MME: variants seen among roughly 807,000 people sequenced by gnomAD.
MME encodes membrane metalloendopeptidase, also known as neprilysin.
Under a neutral mutation model 113.2 loss-of-function variants are expected in MME, and 98 were observed. The observed-to-expected ratio is 0.87, with a 90% CI of 0.74 to 1.02. The LOEUF (loss-of-function observed/expected upper bound fraction) is 1.02. Ranked by LOEUF, MME falls within the 50% of genes least tolerant of loss-of-function variation. MME has a pLI of 0.00. For synonymous variants in MME, 292 were observed against 300.6 expected (o/e 0.97, Z 0.30); for missense variants, 836 against 896.0 (o/e 0.93, Z 0.86).
At chr3:155,038,382 C>A (rs527250225) in intron 1 of MME, among the ~76,000 whole-genome samples, 61 of 152,300 alleles carry the variant, frequency 4.0e-4, no homozygotes, top group African/African-American at 1.3e-3. Flanking sequence ...CCAACCCTGG[C>A]TCTGCTCACT....
intron 1 of MME, 84 bp from the exon 2 acceptor site, chr3:155,084,068 CCTTTTA>C: frequency 8.6e-7 from 1 of 1,164,102 alleles, no homozygotes; most frequent in Non-Finnish European, 1.3e-6. Flanking sequence ...AATAACTGAG[CCTTTTA>C]CTTTTATCCA....
chr3:155,144,482 A>G (rs769521459), intron 14 of MME, 25 bp downstream of exon 14: 52 of 1,470,958 alleles, frequency 3.5e-5, no homozygotes, highest in Middle Eastern at 1.7e-4. Flanking sequence ...GCTAACTAGC[A>G]AAGAAAAATC....
At chr3:155,061,766 A>C (rs895222696) in intron 1 of MME, among the ~76,000 whole-genome samples, 1 of 149,330 alleles carries the variant, frequency 6.7e-6, no homozygotes, top group Admixed American at 6.8e-5. Flanking sequence ...GATTCAGGCC[A>C]TTCTTGTGCC....
At chr3:155,166,881 A>G in intron 17 of MME, 21 bp from the exon 18 acceptor site, 1 of 1,613,366 alleles carries the variant, frequency 6.2e-7, no homozygotes, top group Non-Finnish European at 8.5e-7. Context: ...AATAATCTCT[A>G]ACTATCTTCT....
intron 2 of MME, among the ~76,000 whole-genome samples, chr3:155,084,676 C>T (rs1209858896): frequency 6.6e-6 from 1 of 152,016 alleles, no homozygotes; most frequent in Non-Finnish European, 1.5e-5. Context: ...TTCTAAACGG[C>T]TTCACAGGAA....
At chr3:155,152,600 G>C (rs1722010832) in intron 16 of MME, among the ~76,000 whole-genome samples, 1 of 152,068 alleles carries the variant, frequency 6.6e-6, no homozygotes, top group African/African-American at 2.4e-5. Context: ...TAGCACTTTG[G>C]GAGGTCAAGG....
chr3:155,172,661 G>A, intron 22 of MME, 49 bp downstream of exon 22: 1 of 1,322,878 alleles, frequency 7.6e-7, no homozygotes, highest in Non-Finnish European at 1.1e-6. Context: ...TGGGTCCATT[G>A]CTTCCACATT....
At chr3:155,042,930 A>G (rs1440204240) in intron 1 of MME, among the ~76,000 whole-genome samples, 995 of 70,406 alleles carry the variant, frequency 0.014, 19 homozygotes, top group African/African-American at 0.067. Context: ...ATATATATAT[A>G]TATATATATG....
chr3:155,168,257 A>C (rs1711537202), intron 18 of MME, among the ~76,000 whole-genome samples: 1 of 152,216 alleles, frequency 6.6e-6, no homozygotes, highest in African/African-American at 2.4e-5. Context: ...CTGAGATATC[A>C]AGAGCCAAAT....
intron 20 of MME, among the ~76,000 whole-genome samples, chr3:155,169,201 G>A (rs61760402): frequency 6.6e-6 from 1 of 152,162 alleles, no homozygotes; most frequent in Non-Finnish European, 1.5e-5. Flanking sequence ...TTTGTAGCAG[G>A]TGAAGTAGCA....
In MME at chr3:155,084,214, C is replaced by G; in HGVS notation, c.47C>G (p.Pro16Arg). The G allele has an allele frequency of 6.2e-7, 1 of 1,614,054 alleles. No homozygotes were observed. The highest frequency in any genetic ancestry group is 8.5e-7 in the Non-Finnish European group (1 of 1,180,002). ...ATGGATATAACTGATATCAACACTC[C>G]AAAGCCAAAGAAGAAACAGCGATGG... ...SQMDITDINT[P>R]KPKKKQRWTP... Residue 16 changes from proline to arginine, a missense_variant, in exon 2 of 23, where the codon CCA becomes CGA. By Grantham distance (103) the Pro-to-Arg change is moderately radical. Coordinates refer to ENST00000360490, the MANE Select transcript of MME (RefSeq NM_007289.4).
chr3:155,064,669 C>A (rs1482832947), intron 1 of MME, among the ~76,000 whole-genome samples: 1 of 152,068 alleles, frequency 6.6e-6, no homozygotes, highest in Non-Finnish European at 1.5e-5. Context: ...AAAATCTTTC[C>A]CCTCAATCTA....
At chr3:155,124,730 CG>C (rs1719458830) in intron 8 of MME, among the ~76,000 whole-genome samples, 1 of 151,398 alleles carries the variant, frequency 6.6e-6, no homozygotes, top group Non-Finnish European at 1.5e-5. Flanking sequence ...TTAGGCTGCT[CG>C]GGGGTCAGGG....
intron 3 of MME, among the ~76,000 whole-genome samples, chr3:155,097,401 G>A (rs895872116): frequency 3.9e-5 from 6 of 152,142 alleles, no homozygotes; most frequent in Admixed American, 3.3e-4. Flanking sequence ...TCAGCGAAGT[G>A]TAAAATCACC....
At chr3:155,111,531 C>G (rs1718188583) in intron 3 of MME, among the ~76,000 whole-genome samples, 1 of 152,104 alleles carries the variant, frequency 6.6e-6, no homozygotes, top group Non-Finnish European at 1.5e-5. Context: ...ACTTTTTGCC[C>G]CCTGGGAGAT....
At chr3:155,141,935 G>C (rs1341136701) in intron 10 of MME, 56 bp from the exon 11 acceptor site, 1 of 1,599,526 alleles carries the variant, frequency 6.3e-7, no homozygotes, top group Non-Finnish European at 8.6e-7. Context: ...ACTGAATCTT[G>C]GACCCAAGAA....
chr3:155,057,177 A>C (rs890309035), intron 1 of MME, among the ~76,000 whole-genome samples: 26 of 152,290 alleles, frequency 1.7e-4, no homozygotes, highest in African/African-American at 6.0e-4. Flanking sequence ...AAATGGGAGA[A>C]AATTTTCGCA....
In MME at chr3:155,118,813, TAAAA is replaced by T; in HGVS notation, c.720+4_720+7del. On this transcript the variant is annotated splice_donor_5th_base_variant and intron_variant, in intron 8 of 22. Transcript: ENST00000360490. ...GAATGCACTGGAATCTATAAAGAGGTAAAAAGAAAAAAAATAATCAAAACCAAAC... is the reference window on the plus strand; with the variant it reads ...GAATGCACTGGAATCTATAAAGAGGTAGAAAAAAAATAATCAAAACCAAAC... 1.3e-6 allele frequency: 2 copies of T among 1,576,226 alleles called. No individual in the cohort carries two copies. Among genetic ancestry groups the T allele is most frequent in the Non-Finnish European group, 1.7e-6 (2 of 1,149,996 alleles).
At chr3:155,129,087 G>A (rs1719931354) in intron 8 of MME, among the ~76,000 whole-genome samples, 1 of 152,138 alleles carries the variant, frequency 6.6e-6, no homozygotes, top group African/African-American at 2.4e-5. Flanking sequence ...AAATAATCAA[G>A]AGAAGTTTTG....
Sources: gnomAD v4.1 joint callset for allele counts (sites outside exome capture counted in the v4.1 genomes callset) on GRCh38, gnomAD v4.1.1 for gene constraint, MANE v1.5 for transcripts, NCBI Gene and HGNC (gene_info 2026-07-23, HGNC 2026-07-21) for gene names.